The following WDR4 variants were observed in gnomAD, a reference collection of about 807,000 sequenced individuals.
WDR4 encodes the protein WDR4 tRNA N7-guanosine methyltransferase non-catalytic subunit.
A neutral mutation model predicts 48.6 loss-of-function variants in WDR4; 47 were observed. The observed-to-expected ratio is 0.97, with a 90% CI of 0.77 to 1.23. The LOEUF is 1.23. Ranked by LOEUF, WDR4 falls within the 50% of genes most tolerant of loss-of-function variation. The pLI, the probability that WDR4 is intolerant of heterozygous loss-of-function variation, is 0.00. For synonymous variants in WDR4, 268 were observed against 230.0 expected (o/e 1.17, Z -1.49); for missense variants, 606 against 551.6 (o/e 1.10, Z -0.99).
chr21:42,868,103 A>C (rs1297647298), intron 3 of WDR4, among the ~76,000 whole-genome samples: 2 of 152,148 alleles, frequency 1.3e-5, no homozygotes, highest in African/African-American at 4.8e-5. Context: ...AACCACATTG[A>C]GTGGAGAGAA....
rs779710658 is a variant in WDR4 at position 42,863,477 on chromosome 21, C to T, written c.416G>A (p.Arg139His). 6.8e-6 allele frequency: 11 copies of T among 1,613,700 alleles called. No individual in the cohort carries two copies. Among genetic ancestry groups the T allele is most frequent in the Middle Eastern group, 1.6e-4 (1 of 6,084 alleles). The change falls in exon 4 of 11, where the codon CGT becomes CAT. Residue 139 changes from arginine to histidine, a missense_variant. By Grantham distance (29) the Arg-to-His change is conservative (BLOSUM62 0). Coordinates refer to ENST00000398208, the MANE Select transcript of WDR4 (RefSeq NM_018669.6). ...CATAGACAGGTGCCCCAGCTCTAGA[C>T]GGCCACACCCGTGTGGCTCCAGCAC... is the stretch of plus-strand genomic sequence containing the variant. ...FSVLEPHGCG[R>H]LELGHLSMLL... is the part of the protein sequence containing the mutation.
the WDR4 span, among the ~76,000 whole-genome samples, chr21:42,890,887 G>A: frequency 6.6e-6 from 1 of 152,046 alleles, no homozygotes; most frequent in East Asian, 1.9e-4. Context: ...CTTTCTCTTT[G>A]GCCAAACACA....
chr21:42,857,761 C>T (rs975895348), intron 6 of WDR4, among the ~76,000 whole-genome samples: 1 of 151,726 alleles, frequency 6.6e-6, no homozygotes, highest in Non-Finnish European at 1.5e-5. Context: ...TAAGACTATT[C>T]CTAAAGGAGT....
rs778707578 is a variant in WDR4, at chr21:42,854,603, T to C, written c.750A>G (p.Ala250=). The change falls in exon 8 of 11, where the codon GCA becomes GCG. Residue 250 remains alanine (A), a synonymous_variant. Transcript: ENST00000398208. ...CCACGCAGTTCTCCTGGCACCAGAA[T>C]GCAATCCTGGACGCGGCAAACTTCT... ...APQKFAASRI[A]FWCQENCVAL... 1.9e-6 allele frequency: 3 copies of C among 1,613,826 alleles called. No individual in the cohort carries two copies. The highest frequency in any genetic ancestry group is 2.5e-6 in the Non-Finnish European group (3 of 1,179,926).
chr21:42,886,196 A>G, the WDR4 span, among the ~76,000 whole-genome samples: 2 of 152,148 alleles, frequency 1.3e-5, no homozygotes, highest in African/African-American at 2.4e-5. Context: ...ACGTCAGGCA[A>G]TCCCACCGCC....
chr21:42,844,705 A>T (rs979429892), downstream of WDR4, among the ~76,000 whole-genome samples: 3 of 152,172 alleles, frequency 2.0e-5, no homozygotes, highest in Non-Finnish European at 4.4e-5. Context: ...TGCCAGCGAG[A>T]CTCACCCAGA....
At chr21:42,879,819 C>T (rs2058592092), upstream of WDR4, 1 of 411,402 alleles carries the variant, frequency 2.4e-6, no homozygotes, top group Non-Finnish European at 4.3e-6. Context: ...TCTTTTTCCG[C>T]GGTAGCTGGA....
downstream of WDR4, among the ~76,000 whole-genome samples, chr21:42,848,826 G>A (rs111174480): frequency 2.1e-5 from 1 of 46,906 alleles, no homozygotes; most frequent in Non-Finnish European, 3.7e-5. Flanking sequence ...ACGATCACGC[G>A]GCGCGCACCT....
rs373268616 is a variant in WDR4 at position 42,876,752 on chromosome 21, G to A, written c.105C>T (p.Leu35=). Residue 35 remains leucine (L), a synonymous_variant, in exon 2 of 11, where the codon CTC becomes CTT. Transcript: ENST00000398208. The stretch of plus-strand genomic sequence containing the variant: ...CTGCAGCACTGCAGTCATAGATGAA[G>A]AGGCTGTCATCATCACTAAAGAGAA... ...TSIASSDDDS[L]FIYDCSAAEK... 17 of 1,613,368 alleles carry A rather than the reference G, an allele frequency of 1.1e-5. No individual in the cohort carries two copies. In the African/African-American group the frequency reaches 2.1e-4, roughly 20 times the overall value.
chr21:42,868,921 A>C (rs1336686935), intron 3 of WDR4, among the ~76,000 whole-genome samples: 1 of 152,260 alleles, frequency 6.6e-6, no homozygotes, highest in East Asian at 1.9e-4. Flanking sequence ...AGGTACAAGG[A>C]AACACTAGCA....
chr21:42,870,967 T>C (rs1207068126), intron 3 of WDR4, among the ~76,000 whole-genome samples: 1 of 152,202 alleles, frequency 6.6e-6, no homozygotes, highest in Non-Finnish European at 1.5e-5. Context: ...CCACAACTCC[T>C]ATGTTGAAGC....
intron 6 of WDR4, among the ~76,000 whole-genome samples, chr21:42,858,073 C>A (rs1326888200): frequency 2.0e-5 from 3 of 152,016 alleles, no homozygotes; most frequent in African/African-American, 7.3e-5. Context: ...GACTGGGAGA[C>A]AGAGCAAGAC....
rs758552318 is a variant in WDR4 at position 42,854,573 on chromosome 21, G to T, written c.780C>A (p.Leu260=). 16 of 1,613,630 alleles carry T rather than the reference G, an allele frequency of 9.9e-6. No individual in the cohort carries two copies. In the South Asian group the frequency reaches 1.5e-4, roughly 16 times the overall value. ...CCGCCGCAGCTTACCCGTCGCACAG[G>T]AGCGCCACGCAGTTCTCCTGGCACC... is the stretch of plus-strand genomic sequence containing the variant. ...AFWCQENCVA[L]LCDGTPVVYI... Residue 260 remains leucine, a synonymous_variant, in exon 8 of 11, where the codon CTC becomes CTA. Coordinates refer to ENST00000398208, the MANE Select transcript of WDR4 (RefSeq NM_018669.6).
intron 10 of WDR4, among the ~76,000 whole-genome samples, chr21:42,851,255 G>T (rs56098337): frequency 0.24 from 36,206 of 152,138 alleles, 5,430 homozygotes; most frequent in African/African-American, 0.44. Flanking sequence ...CACAGCCAGT[G>T]ACAGGCCCAC....
intron 5 of WDR4, among the ~76,000 whole-genome samples, chr21:42,861,039 C>G: frequency 6.6e-6 from 1 of 152,104 alleles, no homozygotes; most frequent in East Asian, 1.9e-4. Context: ...AGGCCGGGCA[C>G]GGTGGCTCAC....
chr21:42,863,416 C>A (rs749086190), intron 4 of WDR4, 24 bp downstream of exon 4: 1 of 1,598,316 alleles, frequency 6.3e-7, no homozygotes, highest in East Asian at 2.2e-5. Flanking sequence ...GCCATGTCCC[C>A]CACCTACCAC....
intron 3 of WDR4, among the ~76,000 whole-genome samples, chr21:42,865,897 G>A (rs1487415630): frequency 6.6e-6 from 1 of 152,010 alleles, no homozygotes; most frequent in Admixed American, 6.5e-5. Flanking sequence ...AGACTGAGTT[G>A]GCACTGCCCC....
Position 42,873,571 on chromosome 21 carries a change from T to C in WDR4, c.276A>G (p.Pro92=), listed in dbSNP as rs774834367. ...CATACCTGACACTCAGACATTGCCA[T>C]GGTTTTGTACGGAAAAGAATCAGAC... ...SKRLILFRTK[P]WQCLSVRTVA... is the part of the protein sequence containing the mutation. Residue 92 remains proline, a synonymous_variant, in exon 3 of 11, where the codon CCA becomes CCG. Transcript: ENST00000398208. The C allele has an allele frequency of 5.6e-6, 9 of 1,614,056 alleles. No homozygotes were observed. Among genetic ancestry groups the C allele is most frequent in the African/African-American group, 4.0e-5 (3 of 74,940 alleles).
At position 42,862,010 on chromosome 21, in the gene WDR4, C is replaced by T. The variant is rs2058127966; in HGVS notation, c.566+272G>A. 6.6e-6 allele frequency among the ~76,000 whole-genome samples: 1 copy of T among 152,222 alleles called. No homozygotes were observed. The highest frequency in any genetic ancestry group is 6.5e-5 in the Admixed American group (1 of 15,286). Reference sequence around the variant, plus strand: ...TGGTGCAGGGGTCTCCACACTGAGACAGGGGTTTCCCGGAAACAAGCCCTT... The same window carrying T: ...TGGTGCAGGGGTCTCCACACTGAGATAGGGGTTTCCCGGAAACAAGCCCTT... On this transcript the variant is annotated intron_variant, in intron 5 of 10. Coordinates refer to ENST00000398208, the MANE Select transcript of WDR4 (RefSeq NM_018669.6). The surrounding 1 kb of genome is among the most constrained non-coding windows in gnomAD (Gnocchi z 4.3).
Sources: allele counts gnomAD v4.1 joint callset (sites outside exome capture counted in the v4.1 genomes callset), GRCh38; gene constraint gnomAD v4.1.1; non-coding constraint Gnocchi (gnomAD v3.1); transcripts MANE v1.5; gene names NCBI Gene and HGNC (gene_info 2026-07-23, HGNC 2026-07-21).